ADAM22: variants seen among roughly 807,000 people sequenced by gnomAD.
ADAM22 encodes disintegrin and metalloproteinase domain-containing protein 22.
A neutral mutation model predicts 144.6 loss-of-function variants in ADAM22; 65 were observed. That is an observed-to-expected ratio of 0.45 (90% CI 0.37 to 0.55). The LOEUF is 0.55. Among genes scored for constraint, ADAM22 ranks in the 20% least tolerant of loss-of-function variants. The probability of loss-of-function intolerance (pLI) is 0.00; values close to 1 mark genes in which losing one functional copy is unlikely to be tolerated. For synonymous variants in ADAM22, 391 were observed against 412.6 expected (o/e 0.95, Z 0.63); for missense variants, 974 against 1,184.9 (o/e 0.82, Z 2.61).
At chr7:88,003,536 T>C (rs1391882519) in intron 3 of ADAM22, among the ~76,000 whole-genome samples, 1 of 151,826 alleles carries the variant, frequency 6.6e-6, no homozygotes, top group Non-Finnish European at 1.5e-5. Context: ...TCACACTGAA[T>C]TTTTTTTCAA....
intron 25 of ADAM22, among the ~76,000 whole-genome samples, chr7:88,168,580 C>T (rs939672799): frequency 6.6e-5 from 10 of 152,032 alleles, no homozygotes; most frequent in African/African-American, 2.4e-4. Flanking sequence ...ACATTGTAAA[C>T]TTATTTATCT....
rs200084120 is a variant in ADAM22 at position 88,128,637 on chromosome 7, C to T, written c.714C>T (p.Thr238=). ...RRYPRNVEEE[T]KYIELMIVND... ...ATCCTCGTAATGTAGAAGAAGAAAC[C>T]AAATACATTGAACTGATGATTGTGA... The change falls in exon 9 of 32, where the codon ACC becomes ACT. Residue 238 remains threonine (T), a synonymous_variant. Coordinates refer to ENST00000413139, the MANE Select transcript of ADAM22 (RefSeq NM_001324418.2). The T allele has an allele frequency of 6.5e-5, 104 of 1,611,776 alleles. No homozygotes were observed. The highest frequency in any genetic ancestry group is 1.1e-5 in the Non-Finnish European group (13 of 1,178,426).
At chr7:88,016,512 A>C (rs1796572627) in intron 3 of ADAM22, among the ~76,000 whole-genome samples, 1 of 152,208 alleles carries the variant, frequency 6.6e-6, no homozygotes, top group African/African-American at 2.4e-5. Flanking sequence ...TGCGTACCTT[A>C]TAATTTGTTA....
chr7:88,130,142 C>T (rs1037161610), intron 9 of ADAM22, among the ~76,000 whole-genome samples: 16 of 151,986 alleles, frequency 1.1e-4, no homozygotes, highest in Non-Finnish European at 2.1e-4. Context: ...TTTTTTACTT[C>T]ATCTCCCAGA....
At chr7:88,010,448 A>T (rs1178541985) in intron 3 of ADAM22, among the ~76,000 whole-genome samples, 3 of 152,080 alleles carry the variant, frequency 2.0e-5, no homozygotes, top group Non-Finnish European at 4.4e-5. Context: ...ATATTCGAAC[A>T]GTGTCATATC....
chr7:88,020,270 C>G (rs1005826942), intron 3 of ADAM22, among the ~76,000 whole-genome samples: 38 of 151,988 alleles, frequency 2.5e-4, no homozygotes, highest in African/African-American at 8.5e-4. Context: ...TATTTTTTTC[C>G]TGGGACCTCA....
intron 3 of ADAM22, among the ~76,000 whole-genome samples, chr7:88,031,232 G>A (rs1800197318): frequency 6.6e-6 from 1 of 152,178 alleles, no homozygotes; most frequent in South Asian, 2.1e-4. Context: ...ACCAGGAGTG[G>A]GGTATTGCTA....
At chr7:88,157,443 A>G (rs893896697) in intron 22 of ADAM22, among the ~76,000 whole-genome samples, 5 of 152,190 alleles carry the variant, frequency 3.3e-5, no homozygotes, top group African/African-American at 1.2e-4. Flanking sequence ...TTATTTCCAA[A>G]CTAGAATTTT....
chr7:88,112,966 C>T (rs1826450798), intron 5 of ADAM22, among the ~76,000 whole-genome samples: 1 of 152,116 alleles, frequency 6.6e-6, no homozygotes, highest in African/African-American at 2.4e-5. Context: ...GTGATTTCCC[C>T]CCGCCTTGGC....
At chr7:88,105,442 T>C (rs746781328) in intron 4 of ADAM22, among the ~76,000 whole-genome samples, 3 of 152,214 alleles carry the variant, frequency 2.0e-5, no homozygotes, top group Non-Finnish European at 2.9e-5. Context: ...TCCAATCCGA[T>C]GTATCCAGGA....
rs958811585 is a variant in ADAM22, at chr7:88,053,094, A to C, written c.324-22532A>C. Among the ~76,000 whole-genome samples the C allele has an allele frequency of 5.2e-4, 79 of 152,112 alleles. 1 individual carries two copies. The highest frequency in any genetic ancestry group is 1.9e-3 in the African/African-American group (79 of 41,396). ...AATATCTATTATTGCATTTATTGTC[A>C]GTCTCCTTCTTGAGGGAGCCCATGT... On this transcript the variant is annotated intron_variant, in intron 3 of 31. Transcript: ENST00000413139.
chr7:88,156,440 T>C (rs1048064074), intron 22 of ADAM22, among the ~76,000 whole-genome samples: 1 of 152,128 alleles, frequency 6.6e-6, no homozygotes, highest in African/African-American at 2.4e-5. Context: ...CAATATTTTG[T>C]TATGTATAAA....
intron 3 of ADAM22, among the ~76,000 whole-genome samples, chr7:88,000,170 A>G (rs892007822): frequency 1.3e-5 from 2 of 152,162 alleles, no homozygotes; most frequent in African/African-American, 4.8e-5. Flanking sequence ...TTCCTTCTAT[A>G]TAAAATATTC....
At chr7:87,994,932 A>G (rs373635925) in intron 3 of ADAM22, among the ~76,000 whole-genome samples, 2 of 151,904 alleles carry the variant, frequency 1.3e-5, no homozygotes, top group Admixed American at 6.5e-5. Flanking sequence ...GGTTCACGCC[A>G]TCCTCCTGCC....
At position 88,079,932 on chromosome 7, in the gene ADAM22, G is replaced by A. The variant is rs181176641; in HGVS notation, c.390+4240G>A. The stretch of plus-strand genomic sequence containing the variant: ...AACACCCCACTGTCAACATCAGACC[G>A]ATCAACGACACAGAAAGTTAAGAAG... On this transcript the variant is annotated intron_variant, in intron 4 of 31. Transcript: ENST00000413139. 1.3e-3 allele frequency among the ~76,000 whole-genome samples: 196 copies of A among 152,240 alleles called. 3 individuals are homozygous for A. The South Asian group carries it at 0.028, about 22-fold the overall frequency.
At chr7:87,975,320 T>C (rs984588252) in intron 2 of ADAM22, among the ~76,000 whole-genome samples, 1 of 152,186 alleles carries the variant, frequency 6.6e-6, no homozygotes, top group Non-Finnish European at 1.5e-5. Flanking sequence ...TCCTCTACTA[T>C]CAGATAAACT....
intron 31 of ADAM22, among the ~76,000 whole-genome samples, chr7:88,194,723 GCTCT>G (rs1250650074): frequency 2.6e-5 from 4 of 151,984 alleles, no homozygotes; most frequent in Non-Finnish European, 4.4e-5. Flanking sequence ...GGAAACTTCA[GCTCT>G]CTGAGGCCAG....
At chr7:87,969,742 T>C (rs1006021246) in intron 2 of ADAM22, among the ~76,000 whole-genome samples, 1 of 152,244 alleles carries the variant, frequency 6.6e-6, no homozygotes, top group Non-Finnish European at 1.5e-5. Context: ...AAAATTGTGC[T>C]ATTTTGTTTT....
At chr7:87,943,771 C>G (rs1490622300) in intron 2 of ADAM22, among the ~76,000 whole-genome samples, 1 of 152,148 alleles carries the variant, frequency 6.6e-6, no homozygotes, top group Non-Finnish European at 1.5e-5. Context: ...TCTCCCCTAC[C>G]CCTAAATATG....
Sources: gnomAD v4.1 joint callset for allele counts (sites outside exome capture counted in the v4.1 genomes callset) on GRCh38, gnomAD v4.1.1 for gene constraint, MANE v1.5 for transcripts, NCBI Gene and HGNC (gene_info 2026-07-23, HGNC 2026-07-21) for gene names.